Variants in ELFN1 observed in about 807,000 individuals in gnomAD.
ELFN1 encodes extracellular leucine rich repeat and fibronectin type III domain containing 1.
In ELFN1, 6 loss-of-function variants were observed where a neutral mutation model predicts 7.6. That is an observed-to-expected ratio of 0.79 (90% CI 0.43 to 1.56). The LOEUF is 1.56. Ranked by LOEUF, ELFN1 falls within the 40% of genes most tolerant of loss-of-function variation. ELFN1 has a pLI of 0.01. For synonymous variants in ELFN1, 657 were observed against 588.1 expected, an observed-to-expected ratio of 1.12 and a Z score of -1.70; for missense variants, 1,169 against 1,232.2, an observed-to-expected ratio of 0.95 and a Z score of 0.77.
intron 3 of ELFN1, among the ~76,000 whole-genome samples, chr7:1,731,998 C>T (rs370077620): frequency 2.0e-5 from 3 of 152,224 alleles, no homozygotes; most frequent in African/African-American, 7.2e-5. Flanking sequence ...TCCCTGAATT[C>T]ATTCAGCATG....
chr7:1,726,008 ACACT>A (rs1780184531), intron 3 of ELFN1, among the ~76,000 whole-genome samples: 1 of 152,126 alleles, frequency 6.6e-6, no homozygotes, highest in Non-Finnish European at 1.5e-5. Context: ...ACCCCAAATC[ACACT>A]CACACGCAAA....
intron 1 of ELFN1, among the ~76,000 whole-genome samples, chr7:1,677,168 C>T (rs924371384): frequency 2.0e-5 from 3 of 152,166 alleles, no homozygotes; most frequent in Non-Finnish European, 4.4e-5. Flanking sequence ...ATGAGGGAGG[C>T]CGTCCTGTGG....
At position 1,739,374 on chromosome 7, in the gene ELFN1, G is replaced by GGAGT. The variant is rs1421604236; in HGVS notation, c.-293-4929_-293-4926dup. On this transcript the variant is annotated intron_variant, in intron 3 of 3. Transcript: ENST00000424383. The surrounding 1 kb of genome is among the most constrained non-coding windows in gnomAD (Gnocchi z 4.6). ...ACCAGGTGTGGGGGGAGGAAAGAGA[G>GGAGT]GAGTCCAGAATGCGGCGTCAACTTT... is the stretch of plus-strand genomic sequence containing the variant. 2 of 152,566 alleles carry GGAGT rather than the reference G, an allele frequency of 1.3e-5. No homozygotes were observed. The highest frequency in any genetic ancestry group is 2.9e-5 in the Non-Finnish European group (2 of 68,298). The allele number at this position is 152,566 out of a possible 1,614,324, so 9.5% of individuals were successfully genotyped here.
At chr7:1,687,766 T>C (rs1779085233) in intron 1 of ELFN1, among the ~76,000 whole-genome samples, 1 of 152,222 alleles carries the variant, frequency 6.6e-6, no homozygotes, top group Non-Finnish European at 1.5e-5. Context: ...GCCTTTGATA[T>C]TGTCAGTCCT....
intron 3 of ELFN1, among the ~76,000 whole-genome samples, chr7:1,723,319 C>T (rs1387657232): frequency 1.3e-5 from 2 of 152,210 alleles, no homozygotes; most frequent in Non-Finnish European, 1.5e-5. Flanking sequence ...ACAACGTTAT[C>T]GTGACACATT....
At chr7:1,702,556 G>A (rs959622111) in intron 2 of ELFN1, among the ~76,000 whole-genome samples, 3 of 151,026 alleles carry the variant, frequency 2.0e-5, no homozygotes, top group Non-Finnish European at 4.4e-5. Flanking sequence ...GAAAAAAAAT[G>A]GATTGTGATT....
Position 1,746,150 on chromosome 7 carries a change from C to T in ELFN1, c.1554C>T (p.Pro518=), listed in dbSNP as rs1780779466. ...QYKLVESADT[P]KASKGSYMEV... ...AGCTGGTGGAGAGCGCGGACACCCC[C>T]AAGGCCAGCAAGGGCAGCTACATGG... The change falls in exon 4 of 4, where the codon CCC becomes CCT. Residue 518 remains proline, a synonymous_variant. Transcript: ENST00000424383. 5 of 1,549,282 alleles carry T rather than the reference C, an allele frequency of 3.2e-6. No individual in the cohort carries two copies. Among genetic ancestry groups the T allele is most frequent in the East Asian group, 2.4e-5 (1 of 40,836 alleles).
At chr7:1,726,812 T>C (rs1780210249) in intron 3 of ELFN1, among the ~76,000 whole-genome samples, 2 of 152,192 alleles carry the variant, frequency 1.3e-5, no homozygotes, top group South Asian at 4.1e-4. Context: ...CGGGCTGGGA[T>C]GCCTCCTCCA....
At position 1,705,142 on chromosome 7, in the gene ELFN1, G is replaced by C. The variant is rs1779505355; in HGVS notation, c.-455-3949G>C. Among the ~76,000 whole-genome samples the C allele has an allele frequency of 6.6e-6, 1 of 152,124 alleles. No homozygotes were observed. Among genetic ancestry groups the C allele is most frequent in the Admixed American group, 6.5e-5 (1 of 15,280 alleles). Reference sequence around the variant, plus strand: ...GCCCGCAGGAGGTAACAGCCTGAGGGCTGCAGGTCACACCCACAGGGCCAA... The same window carrying C: ...GCCCGCAGGAGGTAACAGCCTGAGGCCTGCAGGTCACACCCACAGGGCCAA... On this transcript the variant is annotated intron_variant, in intron 2 of 3. Transcript: ENST00000424383. The surrounding 1 kb of genome is among the most constrained non-coding windows in gnomAD (Gnocchi z 4.3).
At chr7:1,710,667 AACTC>A (rs1367465075) in intron 3 of ELFN1, among the ~76,000 whole-genome samples, 1 of 152,156 alleles carries the variant, frequency 6.6e-6, no homozygotes, top group Non-Finnish European at 1.5e-5. Context: ...GGTCTCCTCT[AACTC>A]ACAGGCCAGT....
At chr7:1,691,266 A>G (rs1329320802) in intron 2 of ELFN1, among the ~76,000 whole-genome samples, 1 of 152,178 alleles carries the variant, frequency 6.6e-6, no homozygotes, top group Non-Finnish European at 1.5e-5. Flanking sequence ...TGATCCCAGC[A>G]GACAGGAGGT....
At chr7:1,711,576 GAGAGAGA>G (rs1779654030) in intron 3 of ELFN1, among the ~76,000 whole-genome samples, 7 of 2,766 alleles carry the variant, frequency 2.5e-3, no homozygotes, top group Non-Finnish European at 4.0e-3. Flanking sequence ...GCGAGAGAGT[GAGAGAGA>G]GAGAGAGAGA....
intron 3 of ELFN1, among the ~76,000 whole-genome samples, chr7:1,714,248 C>T (rs560389554): frequency 3.3e-4 from 50 of 152,278 alleles, no homozygotes; most frequent in Non-Finnish European, 5.4e-4. Flanking sequence ...AACCCTCTCA[C>T]GACAGAGGCT....
intron 3 of ELFN1, among the ~76,000 whole-genome samples, chr7:1,714,977 A>G (rs1466526572): frequency 2.0e-5 from 3 of 152,294 alleles, no homozygotes; most frequent in East Asian, 1.9e-4. Flanking sequence ...TGGCCTCAGG[A>G]TGGCTGCCAC....
At position 1,747,145 on chromosome 7, in the gene ELFN1, A is replaced by G; in HGVS notation, c.*62A>G. 1.4e-6 allele frequency: 2 copies of G among 1,409,618 alleles called. No homozygotes were observed. The highest frequency in any genetic ancestry group is 1.9e-6 in the Non-Finnish European group (2 of 1,076,286). The allele number at this position is 1,409,618 out of a possible 1,614,324, so 87.3% of individuals were successfully genotyped here. A position where few individuals can be genotyped will look rare whatever the true frequency, so the allele number is the denominator to read the frequency against. ...GGATGCAGGATCCACCCAGAGACTC[A>G]GCACCAAACCCAACACACGCACGCC... is the stretch of plus-strand genomic sequence containing the variant. On this transcript the variant is annotated 3_prime_UTR_variant, in exon 4 of 4. Transcript: ENST00000424383.
intron 2 of ELFN1, among the ~76,000 whole-genome samples, chr7:1,697,712 C>T (rs1583331632): frequency 6.6e-6 from 1 of 152,176 alleles, no homozygotes; most frequent in South Asian, 2.1e-4. Context: ...CTCTGTTTTT[C>T]ACCCTGATCA....
chr7:1,732,004 G>T (rs1270572302), intron 3 of ELFN1, among the ~76,000 whole-genome samples: 1 of 152,192 alleles, frequency 6.6e-6, no homozygotes, highest in African/African-American at 2.4e-5. Context: ...AATTCATTCA[G>T]CATGCACTGC....
At position 1,747,173 on chromosome 7, in the gene ELFN1, C is replaced by A; in HGVS notation, c.*90C>A. 1 of 1,345,008 alleles carries A rather than the reference C, an allele frequency of 7.4e-7. No individual in the cohort carries two copies. The allele number at this position is 1,345,008 out of a possible 1,614,324, so 83.3% of individuals were successfully genotyped here. ...ACCAAACCCAACACACGCACGCCACCACAGCAACTGTGACAGCGGGGGGCC... is the reference window on the plus strand; with the variant it reads ...ACCAAACCCAACACACGCACGCCACAACAGCAACTGTGACAGCGGGGGGCC... On this transcript the variant is annotated 3_prime_UTR_variant, in exon 4 of 4. Transcript: ENST00000424383.
At chr7:1,680,069 G>C (rs1355680214) in intron 1 of ELFN1, among the ~76,000 whole-genome samples, 2 of 152,226 alleles carry the variant, frequency 1.3e-5, no homozygotes, top group Admixed American at 6.5e-5. Context: ...TTCATTCACT[G>C]ATTCATTCAT....
Sources: gnomAD v4.1 joint callset for allele counts (sites outside exome capture counted in the v4.1 genomes callset) on GRCh38, gnomAD v4.1.1 for gene constraint, Gnocchi (gnomAD v3.1) non-coding constraint, MANE v1.5 for transcripts, NCBI Gene and HGNC (gene_info 2026-07-23, HGNC 2026-07-21) for gene names.